RPS8: variants seen among roughly 807,000 people sequenced by gnomAD.
The protein encoded by RPS8 is ribosomal protein S8, also known as small ribosomal subunit protein eS8.
For synonymous variants in RPS8, 100 were observed against 100.7 expected (o/e 0.99, Z 0.04); for missense variants, 141 against 269.7 (o/e 0.52, Z 3.34).
intron 5 of RPS8, chr1:44,778,365 GTC>G (rs760316131): frequency 1.2e-5 from 10 of 800,114 alleles, no homozygotes; most frequent in African/African-American, 9.3e-5. Flanking sequence ...ATTTGGGGAA[GTC>G]TCTGCCCAGG....
chr1:44,776,811 A>C, intron 3 of RPS8, 37 bp downstream of exon 3: 2 of 1,486,090 alleles, frequency 1.3e-6, no homozygotes, highest in Non-Finnish European at 1.8e-6. Flanking sequence ...GGGAAAACGC[A>C]CCTAAACGGT....
intron 5 of RPS8, 77 bp from the exon 6 acceptor site, chr1:44,778,499 A>C: frequency 5.3e-5 from 62 of 1,175,368 alleles, no homozygotes; most frequent in Non-Finnish European, 7.3e-5. Context: ...CTGAACCCAC[A>C]GAGATTCTTA....
chr1:44,778,727 G>A lies in RPS8; in HGVS notation c.*42G>A, dbSNP rs1202440372. On this transcript the variant is annotated 3_prime_UTR_variant, in exon 6 of 6. Coordinates refer to ENST00000396651, the MANE Select transcript of RPS8 (RefSeq NM_001012.2). Reference sequence around the variant, plus strand: ...CACCCATGTAATAAAGGTGTTTATTGTTTTGTTCCCACATTTATGTTGCCT... The same window carrying A: ...CACCCATGTAATAAAGGTGTTTATTATTTTGTTCCCACATTTATGTTGCCT... 1.3e-5 allele frequency: 17 copies of A among 1,334,632 alleles called. No homozygotes were observed. Among genetic ancestry groups the A allele is most frequent in the Non-Finnish European group, 1.7e-5 (16 of 951,032 alleles). The allele number at this position is 1,334,632 out of a possible 1,614,324, so 82.7% of individuals were successfully genotyped here. A position where few individuals can be genotyped will look rare whatever the true frequency, so the allele number is the denominator to read the frequency against.
chr1:44,776,600 C>G (rs1304768736), intron 2 of RPS8, 75 bp from the exon 3 acceptor site: 13 of 1,269,552 alleles, frequency 1.0e-5, no homozygotes, highest in Non-Finnish European at 1.5e-5. Context: ...GTTGCCTCCT[C>G]CCGGCCCAGG....
intron 3 of RPS8, 175 bp from the exon 4 acceptor site, chr1:44,777,437 CAT>C (rs1650897263): frequency 9.8e-6 from 6 of 613,964 alleles, no homozygotes; most frequent in African/African-American, 9.3e-5. Context: ...GGTTGCCAAA[CAT>C]AACTAGAAAC....
At chr1:44,777,854 A>G (rs1327288587) in intron 4 of RPS8, 65 bp downstream of exon 4, 1 of 1,590,298 alleles carries the variant, frequency 6.3e-7, no homozygotes, top group South Asian at 1.1e-5. Context: ...CTCGTGATGA[A>G]AACTCTGTCC....
rs191693662 is a variant in RPS8, at chr1:44,777,554, G to A, written c.212-60G>A. 8.7e-6 allele frequency: 12 copies of A among 1,371,504 alleles called. No individual in the cohort carries two copies. In the East Asian group the frequency reaches 2.3e-4, roughly 26 times the overall value. The allele number at this position is 1,371,504 out of a possible 1,614,324, so 85.0% of individuals were successfully genotyped here. A position where few individuals can be genotyped will look rare whatever the true frequency, so the allele number is the denominator to read the frequency against. On this transcript the variant is annotated intron_variant, in intron 3 of 5. Coordinates refer to ENST00000396651, the MANE Select transcript of RPS8 (RefSeq NM_001012.2). The stretch of plus-strand genomic sequence containing the variant: ...CCTCATGGGGCTGAAGAACCTGGAG[G>A]AGTGTGCCAGGGCCATTTGTCCTCC...
Position 44,776,675 on chromosome 1 carries a change from A to G in RPS8, c.112A>G (p.Ile38Val), listed in dbSNP as rs749523000. ...GTTCCTGTAACCTTGTGTTTTCCAG[A>G]TTGGCCCCCGCCGCATCCACACAGT... ...ELGRPAANTK[I>V]GPRRIHTVRV... Residue 38 changes from isoleucine (I) to valine (V), a missense_variant and splice_region_variant, in exon 3 of 6, where the codon ATT becomes GTT. Ile to Val is a conservative substitution (Grantham distance 29). Transcript: ENST00000396651. The G allele has an allele frequency of 5.6e-6, 9 of 1,613,766 alleles. No homozygotes were observed. Among genetic ancestry groups the G allele is most frequent in the African/African-American group, 5.3e-5 (4 of 74,864 alleles).
At chr1:44,777,217 G>C (rs934838083) in intron 3 of RPS8, 1 of 214,988 alleles carries the variant, frequency 4.7e-6, no homozygotes, top group South Asian at 7.2e-5. Flanking sequence ...GATTACAGGC[G>C]TGTGCCATCA....
At chr1:44,775,660 C>A in intron 1 of RPS8, 60 bp downstream of exon 1, 2 of 1,606,442 alleles carry the variant, frequency 1.2e-6, no homozygotes, top group Non-Finnish European at 8.5e-7. Flanking sequence ...AGGCCCCATC[C>A]TGCTTCACAG....
intron 3 of RPS8, 99 bp from the exon 4 acceptor site, chr1:44,777,515 A>C (rs1650899312): frequency 3.2e-6 from 3 of 934,248 alleles, no homozygotes; most frequent in Non-Finnish European, 5.0e-6. Context: ...GAGTTCCCTT[A>C]TTTCTCCTTA....
intron 1 of RPS8, 137 bp downstream of exon 1, chr1:44,775,737 G>A: frequency 8.3e-7 from 1 of 1,210,658 alleles, no homozygotes; most frequent in Non-Finnish European, 1.2e-6. Context: ...TGGCCCTCGG[G>A]TTTCGGCCGC....
rs772428183 is a variant in RPS8 at position 44,776,131 on chromosome 1, C to G, written c.102C>G (p.Ala34=). Residue 34 remains alanine, a synonymous_variant, in exon 2 of 6, where the codon GCC becomes GCG. Coordinates refer to ENST00000396651, the MANE Select transcript of RPS8 (RefSeq NM_001012.2). ...AGTATGAGTTGGGGCGCCCAGCTGC[C>G]AACACCAAGGTGGGTGCGAGCGTGG... is the stretch of plus-strand genomic sequence containing the variant. ...KRKYELGRPA[A]NTKIGPRRIH... 4.1e-5 allele frequency: 66 copies of G among 1,602,788 alleles called. No individual in the cohort carries two copies. The Middle Eastern group carries it at 8.9e-4, about 22-fold the overall frequency.
At chr1:44,776,896 C>T (rs539158994) in intron 3 of RPS8, 122 bp downstream of exon 3, 16 of 637,168 alleles carry the variant, frequency 2.5e-5, no homozygotes, top group Admixed American at 2.3e-4. Flanking sequence ...CCGAGGCGGG[C>T]GGATCACCTG....
chr1:44,778,276 GGTCACCCT>G, intron 5 of RPS8, 147 bp downstream of exon 5: 1 of 1,023,344 alleles, frequency 9.8e-7, no homozygotes, highest in Non-Finnish European at 1.5e-6. Flanking sequence ...GGGAACGTTT[GGTCACCCT>G]ATTCGTATGA....
intron 5 of RPS8, 73 bp from the exon 6 acceptor site, chr1:44,778,503 A>C (rs776714009): frequency 1.6e-6 from 2 of 1,231,732 alleles, no homozygotes; most frequent in South Asian, 2.4e-5. Context: ...ACCCACAGAG[A>C]TTCTTAAGCG....
rs757767727 is a variant in RPS8, at chr1:44,775,576, C to T, written c.-21C>T. 1.5e-5 allele frequency: 25 copies of T among 1,614,008 alleles called. No homozygotes were observed. Among genetic ancestry groups the T allele is most frequent in the Non-Finnish European group, 1.9e-5 (23 of 1,179,974 alleles). On this transcript the variant is annotated 5_prime_UTR_variant, in exon 1 of 6. Transcript: ENST00000396651. Reference sequence around the variant, plus strand: ...CGAACCGTGAATCTTTGCGGTTTCTCTTTCCAGCCAGCGCCGAGCGATGGG... The same window carrying T: ...CGAACCGTGAATCTTTGCGGTTTCTTTTTCCAGCCAGCGCCGAGCGATGGG...
rs779892677 is a variant in RPS8 at position 44,778,419 on chromosome 1, G to A, written c.518-157G>A. On this transcript the variant is annotated intron_variant, in intron 5 of 5. Transcript: ENST00000396651. ...AGTGATGAAAACTTTGTCCAGTTCT[G>A]CTACTGACAGTAAGTGAAGATAAAG... 4 of 813,866 alleles carry A rather than the reference G, an allele frequency of 4.9e-6. No individual in the cohort carries two copies. In the African/African-American group the frequency reaches 5.0e-5, roughly 10 times the overall value. The allele number at this position is 813,866 out of a possible 1,614,324, so 50.4% of individuals were successfully genotyped here.
intron 4 of RPS8, 50 bp from the exon 5 acceptor site, chr1:44,777,950 C>T (rs1650916918): frequency 1.2e-6 from 2 of 1,612,380 alleles, no homozygotes; most frequent in East Asian, 2.2e-5. Flanking sequence ...AGAAAGCTCC[C>T]AGGGCCTGCC....
Sources: gnomAD v4.1 joint callset for allele counts on GRCh38, gnomAD v4.1.1 for gene constraint, MANE v1.5 for transcripts, NCBI Gene and HGNC (gene_info 2026-07-23, HGNC 2026-07-21) for gene names.